Variants in CES5A observed in about 807,000 individuals in gnomAD.
CES5A encodes carboxylesterase 5.
Under a neutral mutation model 62.9 loss-of-function variants are expected in CES5A, and 67 were observed. The observed-to-expected ratio is 1.07, with a 90% CI of 0.88 to 1.31. The LOEUF is 1.31. CES5A is among the 50% of genes most tolerant of loss of function. The pLI is 0.00. For missense variants in CES5A, 748 were observed against 708.5 expected, an observed-to-expected ratio of 1.06 and a Z score of -0.63; for synonymous variants, 296 against 280.8, an observed-to-expected ratio of 1.05 and a Z score of -0.54.
Position 55,871,776 on chromosome 16 carries a change from G to A in CES5A, c.279-13C>T, listed in dbSNP as rs759343877. On this transcript the variant is annotated splice_polypyrimidine_tract_variant and intron_variant, in intron 2 of 12. Transcript: ENST00000290567. ...GTTCTGGAGGCACCTTGGAGAAGGA[G>A]AGGAGAAAACCCTCAGAAAAAGTTA... The A allele has an allele frequency of 2.5e-6, 4 of 1,613,342 alleles. No individual in the cohort carries two copies. In the East Asian group the frequency reaches 8.9e-5, roughly 36 times the overall value.
intron 1 of CES5A, among the ~76,000 whole-genome samples, chr16:55,912,070 T>C (rs1253660857): frequency 6.6e-6 from 1 of 152,154 alleles, no homozygotes; most frequent in Non-Finnish European, 1.5e-5. Flanking sequence ...TCACAGGCCT[T>C]GTATCAACTC....
At chr16:55,950,996 G>A (rs1567367768) in intron 1 of CES5A, among the ~76,000 whole-genome samples, 1 of 151,046 alleles carries the variant, frequency 6.6e-6, no homozygotes, top group Admixed American at 6.6e-5. Context: ...CAGCTACTCA[G>A]GAGGCTGAGG....
At chr16:55,932,756 A>G (rs1422865217) in intron 2 of CES5A, among the ~76,000 whole-genome samples, 1 of 152,184 alleles carries the variant, frequency 6.6e-6, no homozygotes. Context: ...TCAGTGAGCT[A>G]GGGGCTGATG....
chr16:55,924,963 AT>A (rs1333297624), intron 1 of CES5A, among the ~76,000 whole-genome samples: 1 of 152,076 alleles, frequency 6.6e-6, no homozygotes, highest in East Asian at 1.9e-4. Context: ...CTGGGCAAAG[AT>A]TTTTTGTATA....
intron 1 of CES5A, among the ~76,000 whole-genome samples, chr16:55,923,733 A>G (rs772203977): frequency 5.5e-4 from 83 of 151,934 alleles, no homozygotes; most frequent in Middle Eastern, 3.4e-3. Flanking sequence ...TACAGGCCAT[A>G]TCACTGAAGA....
At chr16:55,903,437 A>G (rs1407088418) in intron 1 of CES5A, among the ~76,000 whole-genome samples, 1 of 152,236 alleles carries the variant, frequency 6.6e-6, no homozygotes, top group Non-Finnish European at 1.5e-5. Context: ...TTGGGGCAAG[A>G]TATATGAGTT....
chr16:55,935,259 T>C (rs909978774), intron 2 of CES5A, among the ~76,000 whole-genome samples: 3 of 152,198 alleles, frequency 2.0e-5, no homozygotes, highest in African/African-American at 7.2e-5. Context: ...ATGTTTCAAT[T>C]TGAGTCCAAA....
Position 55,888,870 on chromosome 16 carries a change from C to T in CES5A, c.-255-14833G>A, listed in dbSNP as rs569772875. 9.8e-5 allele frequency among the ~76,000 whole-genome samples: 15 copies of T among 152,298 alleles called. No homozygotes were observed. The South Asian group carries it at 2.5e-3, about 25-fold the overall frequency. ...CTCTAGCTTTAACCATCATGCTATT[C>T]GGCCTTTCCCACCAAGGTATGAACT... is the stretch of plus-strand genomic sequence containing the variant. On this transcript the variant is annotated intron_variant, in intron 1 of 12. Coordinates refer to the CES5A transcript ENST00000518005.
chr16:55,877,718 G>T (rs2142421200), upstream of CES5A, among the ~76,000 whole-genome samples: 1 of 152,124 alleles, frequency 6.6e-6, no homozygotes, highest in South Asian at 2.1e-4. Context: ...CCAGACCCTG[G>T]GCTAAATGCT....
intron 7 of CES5A, among the ~76,000 whole-genome samples, chr16:55,860,973 G>A (rs2033339548): frequency 6.6e-6 from 1 of 152,166 alleles, no homozygotes; most frequent in Admixed American, 6.5e-5. Context: ...TTGAATACCT[G>A]GAGAGGTGGG....
chr16:55,936,347 T>C (rs915152764), intron 2 of CES5A, among the ~76,000 whole-genome samples: 2 of 152,212 alleles, frequency 1.3e-5, no homozygotes, highest in Admixed American at 6.5e-5. Flanking sequence ...CCTGTGTGTG[T>C]TCGTATGGAG....
chr16:55,943,779 AAGAC>A (rs1213935528), intron 2 of CES5A, among the ~76,000 whole-genome samples: 4 of 152,140 alleles, frequency 2.6e-5, no homozygotes, highest in East Asian at 1.9e-4. Flanking sequence ...ACAGAACAGA[AAGAC>A]AGGCCGGAAA....
Position 55,846,287 on chromosome 16 carries a change from A to C in CES5A, c.*164T>G, listed in dbSNP as rs1401515975. On this transcript the variant is annotated 3_prime_UTR_variant, in exon 13 of 13. Coordinates refer to ENST00000290567, the MANE Select transcript of CES5A (RefSeq NM_001143685.2). ...AGACAAATTGCACTTTTTGATGTTG[A>C]AAAGAATTCTGTAAGGATCATTCCT... is the stretch of plus-strand genomic sequence containing the variant. 2 of 623,230 alleles carry C rather than the reference A, an allele frequency of 3.2e-6. No individual in the cohort carries two copies. Among genetic ancestry groups the C allele is most frequent in the Non-Finnish European group, 2.8e-6 (1 of 357,242 alleles). 38.6% of individuals were successfully genotyped at this position (623,230 alleles called of 1,614,324 possible).
At chr16:55,907,423 CCTAA>C (rs1464806190) in intron 1 of CES5A, among the ~76,000 whole-genome samples, 1 of 152,202 alleles carries the variant, frequency 6.6e-6, no homozygotes, top group African/African-American at 2.4e-5. Context: ...TAGCTTTCTC[CCTAA>C]CTAATTTAAT....
chr16:55,882,399 A>T (rs2033771265), intron 1 of CES5A, among the ~76,000 whole-genome samples: 1 of 152,166 alleles, frequency 6.6e-6, no homozygotes, highest in Non-Finnish European at 1.5e-5. Flanking sequence ...GCATGGCCTT[A>T]CACCAGAATT....
intron 5 of CES5A, among the ~76,000 whole-genome samples, chr16:55,864,096 TA>T (rs1159183173): frequency 6.6e-6 from 1 of 152,098 alleles, no homozygotes; most frequent in Non-Finnish European, 1.5e-5. Flanking sequence ...AAAACTGGAG[TA>T]AAAATTTAGC....
chr16:55,848,758 T>C (rs1476867521), intron 11 of CES5A, among the ~76,000 whole-genome samples: 1 of 152,200 alleles, frequency 6.6e-6, no homozygotes, highest in Non-Finnish European at 1.5e-5. Context: ...TTTTCCAGTT[T>C]AGGGAGTCCA....
intron 1 of CES5A, among the ~76,000 whole-genome samples, chr16:55,924,506 T>C (rs2034239614): frequency 6.6e-6 from 1 of 151,916 alleles, no homozygotes; most frequent in Non-Finnish European, 1.5e-5. Flanking sequence ...CCAAAGCAAT[T>C]TATAGATTCA....
In CES5A at chr16:55,869,645, C is replaced by T. The variant is rs373764241; in HGVS notation, c.517G>A (p.Val173Ile). The T allele has an allele frequency of 2.6e-5, 42 of 1,613,670 alleles. No individual in the cohort carries two copies. The highest frequency in any genetic ancestry group is 1.3e-4 in the South Asian group (12 of 90,978). The change falls in exon 4 of 13, where the codon GTC (valine) becomes ATC (isoleucine). Residue 173 changes from valine to isoleucine, a missense_variant. Physicochemically the swap from Val to Ile is conservative, Grantham distance 29. Transcript: ENST00000290567. ...AAYEDVLVVV[V>I]QYRLGIFGFF... ...CCAAATATTCCTAGCCGGTACTGGA[C>T]GACCACAACCAGCACGTCCTCATAG...
Sources: allele counts gnomAD v4.1 joint callset (sites outside exome capture counted in the v4.1 genomes callset), GRCh38; gene constraint gnomAD v4.1.1; transcripts MANE v1.5; gene names NCBI Gene and HGNC (gene_info 2026-07-23, HGNC 2026-07-21).